The following MTMR7 variants were observed in gnomAD, a reference collection of about 807,000 sequenced individuals.
The protein encoded by MTMR7 is myotubularin related protein 7, also known as phosphatidylinositol-3-phosphate phosphatase MTMR7.
MTMR7 carries 76 observed loss-of-function variants against 81.2 expected under a neutral mutation model. The observed-to-expected ratio is 0.94, with a 90% CI of 0.78 to 1.13. MTMR7 has a LOEUF of 1.13. Among genes scored for constraint, MTMR7 ranks in the 50% most tolerant of loss-of-function variants. The pLI is 0.00. For missense variants in MTMR7, 1,044 were observed against 820.0 expected (o/e 1.27, Z -3.34); for synonymous variants, 372 against 289.8 (o/e 1.28, Z -2.88).
At chr8:17,402,587 G>A (rs1444912971) in intron 1 of MTMR7, among the ~76,000 whole-genome samples, 1 of 152,092 alleles carries the variant, frequency 6.6e-6, no homozygotes, top group Non-Finnish European at 1.5e-5. Flanking sequence ...GCAAATGACG[G>A]GATCTCCTCC....
intron 5 of MTMR7, among the ~76,000 whole-genome samples, chr8:17,344,186 A>G (rs1271896356): frequency 3.3e-5 from 5 of 152,232 alleles, no homozygotes; most frequent in African/African-American, 1.2e-4. Flanking sequence ...AACATACTCA[A>G]AGTCACACAG....
At chr8:17,364,205 A>T (rs1311872777) in intron 3 of MTMR7, among the ~76,000 whole-genome samples, 1 of 148,492 alleles carries the variant, frequency 6.7e-6, no homozygotes, top group African/African-American at 2.5e-5. Flanking sequence ...AATTTTTTGC[A>T]TTTTTTTTTA....
intron 1 of MTMR7, among the ~76,000 whole-genome samples, chr8:17,409,297 T>G (rs1821677677): frequency 6.6e-6 from 1 of 152,044 alleles, no homozygotes; most frequent in Non-Finnish European, 1.5e-5. Context: ...CTGTCTCTAC[T>G]AAAAATCTAA....
chr8:17,366,880 C>T (rs1456076712), intron 3 of MTMR7, among the ~76,000 whole-genome samples: 2 of 73,328 alleles, frequency 2.7e-5, no homozygotes, highest in Non-Finnish European at 2.4e-5. Context: ...AGCGAGACTC[C>T]ATCTCAAAAA....
intron 1 of MTMR7, among the ~76,000 whole-genome samples, chr8:17,384,652 T>A (rs573157268): frequency 1.3e-5 from 2 of 152,312 alleles, no homozygotes; most frequent in African/African-American, 4.8e-5. Flanking sequence ...CCATGATCTC[T>A]TATAATTACA....
chr8:17,325,488 T>C (rs1818635296), intron 7 of MTMR7, among the ~76,000 whole-genome samples: 1 of 152,214 alleles, frequency 6.6e-6, no homozygotes, highest in Non-Finnish European at 1.5e-5. Flanking sequence ...TGGTTCTATT[T>C]TGAGGCCTGC....
At chr8:17,319,558 A>G (rs899444461) in intron 7 of MTMR7, among the ~76,000 whole-genome samples, 1 of 152,104 alleles carries the variant, frequency 6.6e-6, no homozygotes, top group Admixed American at 6.6e-5. Context: ...TTTTACCAGA[A>G]ATAATAATAA....
rs539910593 is a variant in MTMR7, at chr8:17,311,534, A to G, written c.1078T>C (p.Tyr360His). The G allele has an allele frequency of 1.6e-5, 26 of 1,614,166 alleles. No individual in the cohort carries two copies. In the African/African-American group the frequency reaches 2.7e-4, roughly 17 times the overall value. ...ACCATGAAGCCCTTCAGAGTCCGGT[A>G]GTGAGGGTCCAGCAGCAGGCTTGCC... is the stretch of plus-strand genomic sequence containing the variant. ...SVASLLLDPH[Y>H]RTLKGFMVLI... The change falls in exon 9 of 14, where the codon TAC (tyrosine) becomes CAC (histidine). Residue 360 changes from tyrosine (Y) to histidine (H), a missense_variant. By Grantham distance (83) the Tyr-to-His change is moderately conservative (BLOSUM62 2). Transcript: ENST00000180173.
chr8:17,400,571 C>G (rs186510198), intron 1 of MTMR7, among the ~76,000 whole-genome samples: 1 of 152,260 alleles, frequency 6.6e-6, no homozygotes, highest in Admixed American at 6.5e-5. Context: ...CATTATCAAG[C>G]GTTACCCTTG....
chr8:17,408,112 C>CTTTCTTTCTTTGAT lies in MTMR7; in HGVS notation c.24+5156_24+5157insATCAAAGAAAGAAA, dbSNP rs1359935292. On this transcript the variant is annotated intron_variant, in intron 1 of 13. Coordinates refer to ENST00000180173, the MANE Select transcript of MTMR7 (RefSeq NM_004686.5). ...ATCAGCAAGAACATCATGGAGAGGC[C>CTTTCTTTCTTTGAT]GGGCGCGGTGGCTCACGCCTGTAAT... 1.4e-3 allele frequency among the ~76,000 whole-genome samples: 167 copies of CTTTCTTTCTTTGAT among 122,710 alleles called. 11 individuals carry two copies. The highest frequency in any genetic ancestry group is 2.9e-3 in the South Asian group (10 of 3,478). The allele number at this position is 122,710 out of a possible 152,430, so 80.5% of individuals were successfully genotyped here.
intron 2 of MTMR7, 23 bp from the exon 3 acceptor site, chr8:17,371,222 A>G (rs777738110): frequency 1.7e-5 from 28 of 1,610,386 alleles, no homozygotes; most frequent in Non-Finnish European, 2.3e-5. Flanking sequence ...GTTAATGTGC[A>G]TAAGCTAAGC....
intron 4 of MTMR7, among the ~76,000 whole-genome samples, chr8:17,360,003 C>T (rs896402802): frequency 1.3e-5 from 2 of 152,028 alleles, no homozygotes; most frequent in Admixed American, 1.3e-4. Context: ...AGGATGTTCT[C>T]CATTATTTAA....
intron 3 of MTMR7, among the ~76,000 whole-genome samples, chr8:17,364,842 A>G (rs1220297104): frequency 6.6e-6 from 1 of 152,230 alleles, no homozygotes; most frequent in Non-Finnish European, 1.5e-5. Flanking sequence ...TTGATTCCAC[A>G]ACGTGGCTAC....
intron 5 of MTMR7, among the ~76,000 whole-genome samples, chr8:17,346,461 G>C (rs543681837): frequency 2.2e-4 from 34 of 152,260 alleles, no homozygotes; most frequent in Admixed American, 6.5e-4. Flanking sequence ...TGCTGTGTGA[G>C]TTCATTTTCA....
At chr8:17,384,687 A>T (rs964439538) in intron 1 of MTMR7, among the ~76,000 whole-genome samples, 2 of 152,232 alleles carry the variant, frequency 1.3e-5, no homozygotes, top group African/African-American at 4.8e-5. Flanking sequence ...GGTTTTTCCA[A>T]TTTAAAAAGA....
At chr8:17,396,038 G>A (rs1422629638) in intron 1 of MTMR7, among the ~76,000 whole-genome samples, 1 of 151,872 alleles carries the variant, frequency 6.6e-6, no homozygotes, top group African/African-American at 2.4e-5. Context: ...GTATATTTAT[G>A]TACATGATAT....
intron 1 of MTMR7, among the ~76,000 whole-genome samples, chr8:17,373,840 A>G (rs73208980): frequency 0.089 from 13,618 of 152,266 alleles, 872 homozygotes; most frequent in Non-Finnish European, 0.14. Context: ...CTAAAATCCA[A>G]ACTGCTAGAA....
chr8:17,339,947 C>T (rs1284146124), intron 6 of MTMR7, among the ~76,000 whole-genome samples: 5 of 152,160 alleles, frequency 3.3e-5, no homozygotes, highest in Admixed American at 2.0e-4. Context: ...TACATTCTCT[C>T]AATTTTTTGT....
chr8:17,306,697 C>T (rs1172676590), intron 10 of MTMR7, among the ~76,000 whole-genome samples: 5 of 152,130 alleles, frequency 3.3e-5, no homozygotes. Context: ...AGATCATCAC[C>T]TTGAGGAAGA....
Sources: gnomAD v4.1 joint callset for allele counts (sites outside exome capture counted in the v4.1 genomes callset) on GRCh38, gnomAD v4.1.1 for gene constraint, MANE v1.5 for transcripts, NCBI Gene and HGNC (gene_info 2026-07-23, HGNC 2026-07-21) for gene names.